ACAN: variants seen among roughly 807,000 people sequenced by gnomAD.
ACAN encodes aggrecan core protein.
A neutral mutation model predicts 169.1 loss-of-function variants in ACAN; 47 were observed. That is an observed-to-expected ratio of 0.28 (90% CI 0.22 to 0.35). The LOEUF (loss-of-function observed/expected upper bound fraction) is 0.35. Among genes scored for constraint, ACAN ranks in the 10% least tolerant of loss-of-function variants. ACAN has a pLI of 1.00. For missense variants in ACAN, 2,716 were observed against 2,759.9 expected (o/e 0.98, Z 0.36); for synonymous variants, 1,115 against 1,112.2 (o/e 1.00, Z -0.05).
intron 9 of ACAN, among the ~76,000 whole-genome samples, chr15:88,848,956 G>A (rs1307925403): frequency 2.0e-5 from 3 of 152,236 alleles, no homozygotes; most frequent in Non-Finnish European, 2.9e-5. Context: ...ACATCGCTAG[G>A]TGCTGGGACC....
At position 88,856,904 on chromosome 15, in the gene ACAN, C is replaced by G; in HGVS notation, c.4319C>G (p.Thr1440Ser). Residue 1440 changes from threonine to serine, a missense_variant, in exon 12 of 19, where the codon ACT becomes AGT. Coordinates refer to ENST00000560601, the MANE Select transcript of ACAN (RefSeq NM_001369268.1). Reference sequence around the variant, plus strand: ...CTTCCTTCTGGAGAAGTTCTAGAGACTACTGCCCCTGGAGTAGAGGAGATC... The same window carrying G: ...CTTCCTTCTGGAGAAGTTCTAGAGAGTACTGCCCCTGGAGTAGAGGAGATC... ...SGLPSGEVLE[T>S]TAPGVEEISG... is the part of the protein sequence containing the mutation. 1 of 1,592,710 alleles carries G rather than the reference C, an allele frequency of 6.3e-7. No homozygotes were observed. The highest frequency in any genetic ancestry group is 1.1e-5 in the South Asian group (1 of 90,608).
chr15:88,826,304 T>C (rs868217608), intron 1 of ACAN, among the ~76,000 whole-genome samples: 24 of 151,710 alleles, frequency 1.6e-4, no homozygotes, highest in South Asian at 4.2e-4. Context: ...TGAAAACCCC[T>C]GGAGGAAGTT....
chr15:88,855,296 T>C lies in ACAN; in HGVS notation c.2711T>C (p.Leu904Pro). ...TCTGGAGACCTGGACTCCAGTGGTC[T>C]TACTTCCACAGTGGGCTCAGGCCTG... is the stretch of plus-strand genomic sequence containing the variant. ...LPSGDLDSSG[L>P]TSTVGSGLPV... is the part of the protein sequence containing the mutation. Residue 904 changes from leucine to proline, a missense_variant, in exon 12 of 19, where the codon CTT (leucine) becomes CCT (proline). Coordinates refer to ENST00000560601, the MANE Select transcript of ACAN (RefSeq NM_001369268.1). 1 of 1,611,430 alleles carries C rather than the reference T, an allele frequency of 6.2e-7. No homozygotes were observed. The highest frequency in any genetic ancestry group is 8.5e-7 in the Non-Finnish European group (1 of 1,178,164).
chr15:88,836,094 G>C, intron 1 of ACAN, 106 bp from the exon 2 acceptor site: 1 of 758,162 alleles, frequency 1.3e-6, no homozygotes, highest in Non-Finnish European at 2.3e-6. Flanking sequence ...GATGATTCCA[G>C]GTCCTTGGGT....
At position 88,843,446 on chromosome 15, in the gene ACAN, G is replaced by C; in HGVS notation, c.849G>C (p.Thr283=). Reference sequence around the variant, plus strand: ...GGCTGGGTGCCCGGCTGGCCACCACGGGCCAGCTCTACCTGGCCTGGCAGG... The same window carrying C: ...GGCTGGGTGCCCGGCTGGCCACCACCGGCCAGCTCTACCTGGCCTGGCAGG... ...CRRLGARLAT[T]GQLYLAWQAG... Residue 283 remains threonine, a synonymous_variant, in exon 6 of 19, where the codon ACG becomes ACC. Coordinates refer to ENST00000560601, the MANE Select transcript of ACAN (RefSeq NM_001369268.1). The surrounding 1 kb of genome is among the most constrained non-coding windows in gnomAD (Gnocchi z 4.0). 1 of 1,609,732 alleles carries C rather than the reference G, an allele frequency of 6.2e-7. No individual in the cohort carries two copies. The highest frequency in any genetic ancestry group is 8.5e-7 in the Non-Finnish European group (1 of 1,177,392).
chr15:88,867,484 TG>T (rs1897298734), intron 13 of ACAN, among the ~76,000 whole-genome samples: 1 of 152,220 alleles, frequency 6.6e-6, no homozygotes, highest in South Asian at 2.1e-4. Flanking sequence ...AGCCACCTTC[TG>T]GGGCCTTAAG....
At chr15:88,810,431 G>T (rs975160395) in intron 1 of ACAN, among the ~76,000 whole-genome samples, 3 of 152,012 alleles carry the variant, frequency 2.0e-5, no homozygotes, top group African/African-American at 7.3e-5. Flanking sequence ...AGAAAACCTG[G>T]CCTTCTCGCC....
rs141828383 is a variant in ACAN at position 88,838,075 on chromosome 15, A to G, written c.71-588A>G. Among the ~76,000 whole-genome samples, 8 of 151,882 alleles carry G rather than the reference A, an allele frequency of 5.3e-5. No individual in the cohort carries two copies. The East Asian group carries it at 1.6e-3, about 30-fold the overall frequency. On this transcript the variant is annotated intron_variant, in intron 2 of 18. Coordinates refer to ENST00000560601, the MANE Select transcript of ACAN (RefSeq NM_001369268.1). The surrounding 1 kb of genome is among the most constrained non-coding windows in gnomAD (Gnocchi z 5.1). ...CCTGCATCTGACTGTTTGCACACCA[A>G]AAGGTCTGATCTTCTCGGATGCTTC...
chr15:88,840,185 A>G lies in ACAN; in HGVS notation c.628A>G (p.Arg210Gly), dbSNP rs776632256. Reference protein sequence around the residue: ...DAGWLADQTVRYPIHTPREGC... With the variant: ...DAGWLADQTVGYPIHTPREGC... Reference sequence around the variant, plus strand: ...CGGCTGGCTGGCTGACCAGACTGTCAGGTGAGCCCTAGCCCATCAGCTAGT... The same window carrying G: ...CGGCTGGCTGGCTGACCAGACTGTCGGGTGAGCCCTAGCCCATCAGCTAGT... Residue 210 changes from arginine to glycine, a missense_variant and splice_region_variant, in exon 4 of 19, where the codon AGA becomes GGA. Physicochemically the swap from Arg to Gly is moderately radical, Grantham distance 125. Coordinates refer to ENST00000560601, the MANE Select transcript of ACAN (RefSeq NM_001369268.1). 1.2e-5 allele frequency: 19 copies of G among 1,594,044 alleles called. No individual in the cohort carries two copies. Among genetic ancestry groups the G allele is most frequent in the Admixed American group, 6.9e-5 (4 of 58,114 alleles).
chr15:88,826,613 T>C (rs937074375), intron 1 of ACAN, among the ~76,000 whole-genome samples: 34 of 152,164 alleles, frequency 2.2e-4, no homozygotes, highest in African/African-American at 8.2e-4. Flanking sequence ...ATTGGCAAGA[T>C]CCCACCAACC....
At chr15:88,844,190 A>G (rs1385460408) in intron 6 of ACAN, among the ~76,000 whole-genome samples, 1 of 151,894 alleles carries the variant, frequency 6.6e-6, no homozygotes, top group Admixed American at 6.6e-5. Flanking sequence ...GCAAGAGTTC[A>G]GTGGTGTAAT....
chr15:88,850,695 T>A (rs1321725574), intron 10 of ACAN: 2 of 152,166 alleles, frequency 1.3e-5, no homozygotes, highest in African/African-American at 4.8e-5. Context: ...ATCCCAGCAC[T>A]TTGGGAGGCC....
chr15:88,873,871 C>A lies in ACAN; in HGVS notation c.7477C>A (p.His2493Asn). 1.2e-6 allele frequency: 2 copies of A among 1,613,806 alleles called. No homozygotes were observed. Among genetic ancestry groups the A allele is most frequent in the Non-Finnish European group, 1.7e-6 (2 of 1,179,888 alleles). Residue 2493 changes from histidine (H) to asparagine (N), a missense_variant, in exon 18 of 19, where the codon CAT becomes AAT. Coordinates refer to ENST00000560601, the MANE Select transcript of ACAN (RefSeq NM_001369268.1). This position sits in a 1 kb window ranked among gnomAD's most constrained non-coding sequence, Gnocchi z 7.5. ...CTGCGGAGAGCCCCCTGTGGTGGAG[C>A]ATGCCAGGACCTTCGGGCAGAAGAA... Reference protein sequence around the residue: ...VACGEPPVVEHARTFGQKKDR... With the variant: ...VACGEPPVVENARTFGQKKDR...
chr15:88,854,772 A>G, intron 11 of ACAN, 80 bp from the exon 12 acceptor site: 2 of 1,326,416 alleles, frequency 1.5e-6, no homozygotes, highest in South Asian at 5.1e-5. Flanking sequence ...GAAAGAATGG[A>G]GTTTAGATTC....
At chr15:88,826,797 T>C (rs1439072992) in intron 1 of ACAN, among the ~76,000 whole-genome samples, 4 of 152,200 alleles carry the variant, frequency 2.6e-5, no homozygotes, top group African/African-American at 9.6e-5. Context: ...TTTATATTTG[T>C]TACCTAGTAT....
In ACAN at chr15:88,843,258, C is replaced by A; in HGVS notation, c.758-97C>A. On this transcript the variant is annotated intron_variant, in intron 5 of 18. Transcript: ENST00000560601. The surrounding 1 kb of genome is among the most constrained non-coding windows in gnomAD (Gnocchi z 4.0). Reference sequence around the variant, plus strand: ...ACCAGGACTTTGGGAAGTTAAAGGACTCCCAAGACCTCGTGGAAAAGTGTG... The same window carrying A: ...ACCAGGACTTTGGGAAGTTAAAGGAATCCCAAGACCTCGTGGAAAAGTGTG... 1 of 1,208,874 alleles carries A rather than the reference C, an allele frequency of 8.3e-7. No individual in the cohort carries two copies. The highest frequency in any genetic ancestry group is 1.1e-6 in the Non-Finnish European group (1 of 890,148). The allele number at this position is 1,208,874 out of a possible 1,614,324, so 74.9% of individuals were successfully genotyped here.
In ACAN at chr15:88,872,181, C is replaced by A; in HGVS notation, c.7302+96C>A. The A allele has an allele frequency of 9.5e-7, 1 of 1,055,958 alleles. No individual in the cohort carries two copies. The highest frequency in any genetic ancestry group is 1.5e-6 in the Non-Finnish European group (1 of 689,342). The allele number at this position is 1,055,958 out of a possible 1,614,324, so 65.4% of individuals were successfully genotyped here. ...TGCATTCAAACCCCATGCAGACAGC[C>A]GCTTACCAGCTGCTGGACCGGGAAC... is the stretch of plus-strand genomic sequence containing the variant. On this transcript the variant is annotated intron_variant, in intron 16 of 18. Coordinates refer to ENST00000560601, the MANE Select transcript of ACAN (RefSeq NM_001369268.1). This position sits in a 1 kb window ranked among gnomAD's most constrained non-coding sequence, Gnocchi z 5.4.
chr15:88,873,964 C>A lies in ACAN; in HGVS notation c.7570C>A (p.Pro2524Thr). 1 of 1,613,362 alleles carries A rather than the reference C, an allele frequency of 6.2e-7. No individual in the cohort carries two copies. The highest frequency in any genetic ancestry group is 1.1e-5 in the South Asian group (1 of 91,074). ...CTEGFVQRHM[P>T]TIRCQPSGHW... ...AGAGGGGTTTGTCCAGCGCCACATG[C>A]CCACCATCCGGTGCCAGCCCAGCGG... The change falls in exon 18 of 19, where the codon CCC becomes ACC. Residue 2524 changes from proline to threonine, a missense_variant. This residue lies in a region of ACAN where 1,389 missense variants were observed against 1,363.7 expected (regional missense o/e 1.02). Coordinates refer to ENST00000560601, the MANE Select transcript of ACAN (RefSeq NM_001369268.1). This position sits in a 1 kb window ranked among gnomAD's most constrained non-coding sequence, Gnocchi z 7.5.
intron 1 of ACAN, among the ~76,000 whole-genome samples, chr15:88,809,759 C>T (rs1224181723): frequency 6.6e-6 from 1 of 152,180 alleles, no homozygotes; most frequent in Non-Finnish European, 1.5e-5. Context: ...GACAGCCCCA[C>T]AGGGGCATCC....
Sources: allele counts gnomAD v4.1 joint callset (sites outside exome capture counted in the v4.1 genomes callset), GRCh38; gene constraint gnomAD v4.1.1; regional missense constraint gnomAD v4.1.1; non-coding constraint Gnocchi (gnomAD v3.1); transcripts MANE v1.5; gene names NCBI Gene and HGNC (gene_info 2026-07-23, HGNC 2026-07-21).